LAMA2: variants seen among roughly 807,000 people sequenced by gnomAD.
LAMA2 encodes laminin subunit alpha 2.
In LAMA2, 269 loss-of-function variants were observed where a neutral mutation model predicts 364.8. That is an observed-to-expected ratio of 0.74 (90% CI 0.67 to 0.82). The LOEUF is 0.82. Ranked by LOEUF, LAMA2 falls within the 40% of genes least tolerant of loss-of-function variation. The probability of loss-of-function intolerance (pLI) is 0.00; values close to 1 mark genes in which losing one functional copy is unlikely to be tolerated. For missense variants in LAMA2, 3,807 were observed against 3,873.2 expected (o/e 0.98, Z 0.45); for synonymous variants, 1,379 against 1,370.6 (o/e 1.01, Z -0.14).
intron 15 of LAMA2, among the ~76,000 whole-genome samples, chr6:129,261,713 G>A (rs762082893): frequency 3.9e-5 from 6 of 152,010 alleles, no homozygotes; most frequent in South Asian, 4.2e-4. Context: ...CAGTTCTCTC[G>A]TACTTTTAAA....
At chr6:129,105,949 T>C (rs1212492904) in intron 4 of LAMA2, among the ~76,000 whole-genome samples, 1 of 152,198 alleles carries the variant, frequency 6.6e-6, no homozygotes, top group Non-Finnish European at 1.5e-5. Context: ...TAAATATTCG[T>C]GGTTACCATA....
At chr6:129,072,664 A>G (rs1195036184) in intron 3 of LAMA2, among the ~76,000 whole-genome samples, 2 of 151,974 alleles carry the variant, frequency 1.3e-5, no homozygotes, top group Non-Finnish European at 2.9e-5. Flanking sequence ...GGAATACTGA[A>G]GGTTTTTCCC....
intron 12 of LAMA2, among the ~76,000 whole-genome samples, chr6:129,232,501 G>A (rs977938256): frequency 4.6e-5 from 7 of 151,814 alleles, no homozygotes; most frequent in African/African-American, 1.7e-4. Flanking sequence ...GTACATTCCT[G>A]ATTTTTTTCT....
chr6:129,487,609 A>G (rs1784656938), intron 56 of LAMA2, among the ~76,000 whole-genome samples: 1 of 152,234 alleles, frequency 6.6e-6, no homozygotes, highest in Non-Finnish European at 1.5e-5. Context: ...TGAAAGACCT[A>G]CATTTACTAA....
chr6:129,406,792 A>G (rs886507039), intron 40 of LAMA2, among the ~76,000 whole-genome samples: 17 of 152,178 alleles, frequency 1.1e-4, no homozygotes, highest in Middle Eastern at 3.2e-3. Context: ...GGGTTTACTA[A>G]GGAATATTGA....
intron 41 of LAMA2, among the ~76,000 whole-genome samples, chr6:129,436,100 A>C (rs1181124300): frequency 6.6e-6 from 1 of 152,204 alleles, no homozygotes; most frequent in East Asian, 1.9e-4. Flanking sequence ...TAGGTGGTTT[A>C]AGTTTTTTAA....
Position 129,393,137 on chromosome 6 carries a change from T to C in LAMA2, c.5327T>C (p.Leu1776Pro), listed in dbSNP as rs200123250. Reference sequence around the variant, plus strand: ...ATGGAGAAGGATCTCCGGGAAAAACTGGCTGACTACAAAAACAAAGTTGAT... The same window carrying C: ...ATGGAGAAGGATCTCCGGGAAAAACCGGCTGACTACAAAAACAAAGTTGAT... ...EEMEKDLREK[L>P]ADYKNKVDDA... The change falls in exon 37 of 65, where the codon CTG becomes CCG. Residue 1776 changes from leucine to proline, a missense_variant. Coordinates refer to ENST00000421865, the MANE Select transcript of LAMA2 (RefSeq NM_000426.4). The C allele has an allele frequency of 2.4e-5, 39 of 1,614,002 alleles. No homozygotes were observed. The African/African-American group carries it at 3.6e-4, about 15-fold the overall frequency.
rs116299122 is a variant in LAMA2, at chr6:129,100,459, T to C, written c.639+2044T>C. ...AGAATAAGAATTAAATTCAGACCTCTCCTAGGCTATCTATTCATTTTATAT... is the reference window on the plus strand; with the variant it reads ...AGAATAAGAATTAAATTCAGACCTCCCCTAGGCTATCTATTCATTTTATAT... On this transcript the variant is annotated intron_variant, in intron 4 of 64. Transcript: ENST00000421865. 7.7e-3 allele frequency among the ~76,000 whole-genome samples: 1,172 copies of C among 152,334 alleles called. 19 individuals carry two copies. The highest frequency in any genetic ancestry group is 0.027 in the African/African-American group (1,107 of 41,582).
chr6:129,083,761 T>C (rs773490150), intron 3 of LAMA2, among the ~76,000 whole-genome samples: 2 of 152,206 alleles, frequency 1.3e-5, no homozygotes, highest in Non-Finnish European at 2.9e-5. Context: ...ACATAAAAAG[T>C]ATAGCTTAGA....
chr6:129,332,534 T>C (rs1775717102), intron 29 of LAMA2, among the ~76,000 whole-genome samples: 1 of 152,200 alleles, frequency 6.6e-6, no homozygotes, highest in Admixed American at 6.5e-5. Flanking sequence ...ACAATCAAAA[T>C]TACTGGAATT....
chr6:129,406,584 G>A (rs964931573), intron 40 of LAMA2, among the ~76,000 whole-genome samples: 15 of 152,078 alleles, frequency 9.9e-5, no homozygotes, highest in African/African-American at 3.4e-4. Context: ...ATGGACATCA[G>A]TAATTTTTTC....
chr6:129,011,365 G>A (rs1162964953), intron 1 of LAMA2, among the ~76,000 whole-genome samples: 1 of 152,162 alleles, frequency 6.6e-6, no homozygotes, highest in Non-Finnish European at 1.5e-5. Context: ...CCTGCTCTTT[G>A]GGTAACAGTG....
chr6:128,921,677 G>T (rs1225540426), intron 1 of LAMA2, among the ~76,000 whole-genome samples: 1 of 149,784 alleles, frequency 6.7e-6, no homozygotes, highest in Non-Finnish European at 1.5e-5. Context: ...ACAGCCTCCT[G>T]AACTGTGAAA....
At chr6:128,965,924 C>A (rs767133601) in intron 1 of LAMA2, among the ~76,000 whole-genome samples, 5 of 147,198 alleles carry the variant, frequency 3.4e-5, no homozygotes. Flanking sequence ...CCCATAGTTT[C>A]TCTTTTCTGT....
intron 22 of LAMA2, among the ~76,000 whole-genome samples, chr6:129,310,540 TCAGA>T (rs1303929125): frequency 1.2e-4 from 18 of 152,068 alleles, no homozygotes; most frequent in African/African-American, 4.3e-4. Flanking sequence ...GGTGGCAAAC[TCAGA>T]CAGAGAGAGG....
chr6:128,903,838 C>T (rs189091081), intron 1 of LAMA2, among the ~76,000 whole-genome samples: 280 of 152,204 alleles, frequency 1.8e-3, no homozygotes, highest in African/African-American at 6.4e-3. Context: ...TGGGGAAGGA[C>T]GGATCTGGGC....
intron 58 of LAMA2, among the ~76,000 whole-genome samples, chr6:129,501,041 C>T (rs1044537649): frequency 1.3e-5 from 2 of 152,132 alleles, no homozygotes; most frequent in Admixed American, 1.3e-4. Flanking sequence ...TGAAATTCTG[C>T]CCCCAGTGGA....
At chr6:128,889,503 C>G (rs2114378952) in intron 1 of LAMA2, among the ~76,000 whole-genome samples, 1 of 152,074 alleles carries the variant, frequency 6.6e-6, no homozygotes, top group South Asian at 2.1e-4. Context: ...TCATTTAGAA[C>G]AAAAAAGGTA....
Position 129,516,312 on chromosome 6 carries a change from AG to A in LAMA2, c.9338del (p.Gly3113AlafsTer48). On this transcript the variant is annotated frameshift_variant, in exon 65 of 65. Coordinates refer to ENST00000421865, the MANE Select transcript of LAMA2 (RefSeq NM_000426.4). LOFTEE classifies it high-confidence loss of function. ...EVNFAKALEL[R>X]GVQPVSCPAN is the part of the protein sequence containing the mutation. ...TAATTTTGCCAAGGCCCTGGAACTG[AG>A]GGGCGTTCAACCTGTATCATGCCCA... The A allele has an allele frequency of 6.2e-7, 1 of 1,614,144 alleles. No homozygotes were observed.
Sources: allele counts gnomAD v4.1 joint callset (sites outside exome capture counted in the v4.1 genomes callset), GRCh38; gene constraint gnomAD v4.1.1; transcripts MANE v1.5; gene names NCBI Gene and HGNC (gene_info 2026-07-23, HGNC 2026-07-21).